Variants in CPA4 observed in about 807,000 individuals in gnomAD.
CPA4 encodes carboxypeptidase A4, also known as carboxypeptidase A3.
Under a neutral mutation model 54.7 loss-of-function variants are expected in CPA4, and 49 were observed. The observed-to-expected ratio is 0.90, with a 90% confidence interval of 0.71 to 1.14. The LOEUF (loss-of-function observed/expected upper bound fraction) is 1.14, where lower values mean the gene tolerates loss of function less well. CPA4 is among the 50% of genes most tolerant of loss of function. CPA4 has a pLI of 0.00. For missense variants in CPA4, 487 were observed against 525.1 expected (o/e 0.93, Z 0.71); for synonymous variants, 215 against 206.8 (o/e 1.04, Z -0.34).
At chr7:130,304,156 G>GGC (rs749598657) in intron 4 of CPA4, among the ~76,000 whole-genome samples, 8 of 152,166 alleles carry the variant, frequency 5.3e-5, no homozygotes, top group Non-Finnish European at 8.8e-5. Context: ...ATGAGTCACT[G>GGC]TGCCTGGCCG....
chr7:130,305,980 C>A, intron 6 of CPA4, 60 bp downstream of exon 6: 1 of 1,417,352 alleles, frequency 7.1e-7, no homozygotes, highest in Non-Finnish European at 1.0e-6. Context: ...CTGCAGCATG[C>A]CATGTGGCTG....
At chr7:130,317,952 G>T (rs972314339) in intron 10 of CPA4, among the ~76,000 whole-genome samples, 1 of 151,998 alleles carries the variant, frequency 6.6e-6, no homozygotes, top group Admixed American at 6.6e-5. Flanking sequence ...CACCCCCCGG[G>T]CCCTCCTCTG....
At position 130,308,552 on chromosome 7, in the gene CPA4, T is replaced by A. The variant is rs147766512; in HGVS notation, c.793+155T>A. 1.5e-4 allele frequency among the ~76,000 whole-genome samples: 23 copies of A among 152,146 alleles called. No homozygotes were observed. In the East Asian group the frequency reaches 1.9e-3, roughly 13 times the overall value. On this transcript the variant is annotated intron_variant, in intron 8 of 10. Transcript: ENST00000222482. ...GAGCACTCCTTAGGCTCTGACTTAG[T>A]GTTTTGTTTGTTGTTGCTGTTTTGA...
Position 130,293,257 on chromosome 7 carries a change from C to G in CPA4, c.68+9C>G. 2 of 1,535,272 alleles carry G rather than the reference C, an allele frequency of 1.3e-6. No individual in the cohort carries two copies. Among genetic ancestry groups the G allele is most frequent in the Non-Finnish European group, 1.8e-6 (2 of 1,108,602 alleles). On this transcript the variant is annotated intron_variant, in intron 1 of 10. Transcript: ENST00000222482. ...CAAGAAAAATTTTTTGGGTAAGTTC[C>G]TTTTGGACTTATTATTTGGTTATTT...
chr7:130,306,344 C>G (rs533530907), intron 6 of CPA4: 12 of 240,114 alleles, frequency 5.0e-5, no homozygotes, highest in Non-Finnish European at 8.1e-5. Flanking sequence ...GATCACGCCA[C>G]TGCACTCCAG....
intron 3 of CPA4, among the ~76,000 whole-genome samples, chr7:130,300,144 C>T (rs552351477): frequency 1.1e-4 from 16 of 152,162 alleles, no homozygotes; most frequent in East Asian, 7.7e-4. Flanking sequence ...CTTCAAAGCA[C>T]GAGTGGTTAT....
chr7:130,314,745 G>A (rs988986947), intron 10 of CPA4, among the ~76,000 whole-genome samples: 2 of 152,180 alleles, frequency 1.3e-5, no homozygotes, highest in African/African-American at 4.8e-5. Context: ...CGAAGCCGTA[G>A]GTCCCATAGC....
In CPA4 at chr7:130,322,677, G is replaced by A; in HGVS notation, c.*1G>A. ...GCATGTGCGGGACAACCTCTACTAG[G>A]CGATGGCTCTGCTCTGTCTACATTT... On this transcript the variant is annotated 3_prime_UTR_variant, in exon 11 of 11. Coordinates refer to ENST00000222482, the MANE Select transcript of CPA4 (RefSeq NM_016352.4). 6.2e-7 allele frequency: 1 copy of A among 1,612,776 alleles called. No individual in the cohort carries two copies. The highest frequency in any genetic ancestry group is 8.5e-7 in the Non-Finnish European group (1 of 1,179,408).
intron 6 of CPA4, chr7:130,306,123 T>TG: frequency 3.4e-6 from 2 of 590,592 alleles, no homozygotes; most frequent in Non-Finnish European, 6.1e-6. Context: ...TTCCTGGTGG[T>TG]GCACAAGCTG....
At chr7:130,300,747 G>A (rs1793727318) in intron 3 of CPA4, 69 bp from the exon 4 acceptor site, 3 of 1,082,846 alleles carry the variant, frequency 2.8e-6, no homozygotes, top group Non-Finnish European at 4.3e-6. Context: ...CATATGCAAA[G>A]ATATGGCAGA....
chr7:130,299,269 G>C lies in CPA4; in HGVS notation c.151-1G>C. On this transcript the variant is annotated splice_acceptor_variant, in intron 2 of 10. Transcript: ENST00000222482. LOFTEE classifies it high-confidence loss of function. The stretch of plus-strand genomic sequence containing the variant: ...CCTGGTTTCATTTCTGTTCCCTTCA[G>C]CTCAATTTCTGGAAATCTCCCTCCT... The C allele has an allele frequency of 6.2e-7, 1 of 1,613,864 alleles. No homozygotes were observed. Among genetic ancestry groups the C allele is most frequent in the Non-Finnish European group, 8.5e-7 (1 of 1,179,742 alleles).
chr7:130,308,845 C>G (rs1281632125), intron 8 of CPA4, among the ~76,000 whole-genome samples: 1 of 137,758 alleles, frequency 7.3e-6, no homozygotes, highest in Admixed American at 7.0e-5. Flanking sequence ...GCCACCTAGC[C>G]CAGCCTTTTT....
At chr7:130,312,207 A>G in intron 10 of CPA4, 85 bp downstream of exon 10, 1 of 948,756 alleles carries the variant, frequency 1.1e-6, no homozygotes, top group East Asian at 2.4e-5. Context: ...TGTAAGTTAG[A>G]CTTACTTGTC....
At chr7:130,301,746 T>C (rs1793741361) in intron 4 of CPA4, among the ~76,000 whole-genome samples, 1 of 151,680 alleles carries the variant, frequency 6.6e-6, no homozygotes, top group Non-Finnish European at 1.5e-5. Flanking sequence ...CTATTTCCAC[T>C]TCTTTCCCAT....
At chr7:130,308,450 T>C in intron 8 of CPA4, 53 bp downstream of exon 8, 1 of 1,442,236 alleles carries the variant, frequency 6.9e-7, no homozygotes, top group Non-Finnish European at 9.8e-7. Context: ...GCTCGCCTGG[T>C]CTACCAGTGC....
At position 130,310,149 on chromosome 7, in the gene CPA4, A is replaced by G. The variant is rs1016514411; in HGVS notation, c.794-638A>G. Among the ~76,000 whole-genome samples, 15 of 152,326 alleles carry G rather than the reference A, an allele frequency of 9.8e-5. No individual in the cohort carries two copies. The highest frequency in any genetic ancestry group is 3.1e-4 in the African/African-American group (13 of 41,564). On this transcript the variant is annotated intron_variant, in intron 8 of 10. Transcript: ENST00000222482. The surrounding 1 kb of genome is among the most constrained non-coding windows in gnomAD (Gnocchi z 4.3). ...TTGGGGGAAAATAATGACTGTGGGAAAGGAACTGATACAAATGTGGGAACT... is the reference window on the plus strand; with the variant it reads ...TTGGGGGAAAATAATGACTGTGGGAGAGGAACTGATACAAATGTGGGAACT...
chr7:130,318,374 C>T (rs562268155), intron 10 of CPA4, among the ~76,000 whole-genome samples: 1 of 152,296 alleles, frequency 6.6e-6, no homozygotes, highest in Admixed American at 6.5e-5. Flanking sequence ...GGAAGGCTCT[C>T]CCGAGGGCTG....
At chr7:130,302,581 C>T (rs1362121469) in intron 4 of CPA4, among the ~76,000 whole-genome samples, 1 of 152,064 alleles carries the variant, frequency 6.6e-6, no homozygotes, top group Non-Finnish European at 1.5e-5. Context: ...TTGTCTCTGC[C>T]AGAGTTTCTG....
rs545966895 is a variant in CPA4, at chr7:130,299,279, T to C, written c.160T>C (p.Trp54Arg). ...TTTCTGTTCCCTTCAGCTCAATTTC[T>C]GGAAATCTCCCTCCTCCTTCAATCG... ...VNSNNLKLNF[W>R]KSPSSFNRPV... Residue 54 changes from tryptophan to arginine, a missense_variant, in exon 3 of 11, where the codon TGG (tryptophan) becomes CGG (arginine). Transcript: ENST00000222482. 1 of 1,614,056 alleles carries C rather than the reference T, an allele frequency of 6.2e-7. No individual in the cohort carries two copies. Among genetic ancestry groups the C allele is most frequent in the African/African-American group, 1.3e-5 (1 of 75,074 alleles).
Sources: allele counts gnomAD v4.1 joint callset (sites outside exome capture counted in the v4.1 genomes callset), GRCh38; gene constraint gnomAD v4.1.1; non-coding constraint Gnocchi (gnomAD v3.1); transcripts MANE v1.5; gene names NCBI Gene and HGNC (gene_info 2026-07-23, HGNC 2026-07-21).